The following SYNPR variants were observed in gnomAD, a reference collection of about 807,000 sequenced individuals.
SYNPR encodes synaptoporin.
SYNPR carries 23 observed loss-of-function variants against 32.9 expected under a neutral mutation model. The observed-to-expected ratio is 0.70, with a 90% CI of 0.50 to 0.99. The LOEUF is 0.99. Ranked by LOEUF, SYNPR falls within the 50% of genes least tolerant of loss-of-function variation. The pLI is 0.00. For synonymous variants in SYNPR, 146 were observed against 135.9 expected, an observed-to-expected ratio of 1.07 and a Z score of -0.52; for missense variants, 318 against 349.3, an observed-to-expected ratio of 0.91 and a Z score of 0.71.
chr3:63,411,845 A>G (rs547355837), intron 2 of SYNPR, among the ~76,000 whole-genome samples: 1 of 152,278 alleles, frequency 6.6e-6, no homozygotes, highest in South Asian at 2.1e-4. Flanking sequence ...TTTTCCTAAA[A>G]TCAGTAGGAG....
chr3:63,339,064 T>C (rs2087331251), intron 2 of SYNPR, among the ~76,000 whole-genome samples: 1 of 152,256 alleles, frequency 6.6e-6, no homozygotes, highest in Non-Finnish European at 1.5e-5. Flanking sequence ...GTGAATTTTC[T>C]TAGATTCACC....
intron 2 of SYNPR, among the ~76,000 whole-genome samples, chr3:63,431,244 G>A (rs1190640193): frequency 6.6e-6 from 1 of 152,194 alleles, no homozygotes; most frequent in African/African-American, 2.4e-5. Flanking sequence ...GAAGGACAGA[G>A]AAGAAAACAC....
At chr3:63,431,664 A>G (rs1545458) in intron 2 of SYNPR, among the ~76,000 whole-genome samples, 72,489 of 151,678 alleles carry the variant, frequency 0.48, 18,252 homozygotes, top group African/African-American at 0.65. Flanking sequence ...TTGAAAGCAC[A>G]TGGCTGCAAA....
At chr3:63,449,713 T>C (rs1700344270) in intron 2 of SYNPR, among the ~76,000 whole-genome samples, 1 of 152,206 alleles carries the variant, frequency 6.6e-6, no homozygotes, top group Non-Finnish European at 1.5e-5. Context: ...CCGAATATAC[T>C]AGTGCCATTT....
chr3:63,291,625 C>G (rs188786393), intron 2 of SYNPR, among the ~76,000 whole-genome samples: 1 of 151,816 alleles, frequency 6.6e-6, no homozygotes, highest in Admixed American at 6.6e-5. Context: ...CAGTTGAAAG[C>G]AAAGCATGAT....
intron 2 of SYNPR, among the ~76,000 whole-genome samples, chr3:63,255,251 T>C (rs1322174761): frequency 6.6e-6 from 1 of 152,086 alleles, no homozygotes; most frequent in Non-Finnish European, 1.5e-5. Context: ...TTTAAGTGAG[T>C]TTCTCATTGT....
At chr3:63,601,089 A>G (rs952678598) in intron 4 of SYNPR, among the ~76,000 whole-genome samples, 1 of 152,152 alleles carries the variant, frequency 6.6e-6, no homozygotes, top group African/African-American at 2.4e-5. Flanking sequence ...CCTGACCCAC[A>G]TGGAGAAACC....
intron 4 of SYNPR, among the ~76,000 whole-genome samples, chr3:63,565,740 G>A (rs984811287): frequency 1.3e-5 from 2 of 152,114 alleles, no homozygotes; most frequent in Non-Finnish European, 2.9e-5. Context: ...CATCTTGGAG[G>A]TTACCTGTCC....
intron 2 of SYNPR, among the ~76,000 whole-genome samples, chr3:63,302,992 G>A (rs1211346732): frequency 9.2e-5 from 14 of 151,722 alleles, no homozygotes; most frequent in Admixed American, 7.2e-4. Flanking sequence ...CAAATCATGC[G>A]AATGTATTAA....
At chr3:63,384,464 A>G (rs1435099505) in intron 2 of SYNPR, among the ~76,000 whole-genome samples, 1 of 152,172 alleles carries the variant, frequency 6.6e-6, no homozygotes, top group South Asian at 2.1e-4. Flanking sequence ...TTCTTTGACT[A>G]CAGTGTGTAA....
At chr3:63,588,731 T>G (rs1411185892) in intron 4 of SYNPR, among the ~76,000 whole-genome samples, 1 of 152,152 alleles carries the variant, frequency 6.6e-6, no homozygotes, top group Non-Finnish European at 1.5e-5. Context: ...CAACCCTCGT[T>G]GCTTTCCTAA....
At chr3:63,418,222 A>G (rs1189447393) in intron 2 of SYNPR, among the ~76,000 whole-genome samples, 1 of 152,188 alleles carries the variant, frequency 6.6e-6, no homozygotes, top group Non-Finnish European at 1.5e-5. Context: ...AAATGCCACC[A>G]GTCTCTTTGA....
At chr3:63,388,124 GT>G (rs2088080124) in intron 2 of SYNPR, among the ~76,000 whole-genome samples, 1 of 152,148 alleles carries the variant, frequency 6.6e-6, no homozygotes, top group Non-Finnish European at 1.5e-5. Flanking sequence ...CCCATTATCA[GT>G]TACTGAATGT....
chr3:63,480,457 C>T (rs1701023851), intron 2 of SYNPR, among the ~76,000 whole-genome samples: 1 of 152,084 alleles, frequency 6.6e-6, no homozygotes. Context: ...AAGGATACAC[C>T]CCCACATCTT....
At chr3:63,257,485 G>C (rs2106896317) in intron 2 of SYNPR, among the ~76,000 whole-genome samples, 1 of 152,118 alleles carries the variant, frequency 6.6e-6, no homozygotes, top group East Asian at 1.9e-4. Flanking sequence ...ATAAGTGAAG[G>C]AGAAATAAAA....
chr3:63,412,269 T>C (rs2088476587), intron 2 of SYNPR, among the ~76,000 whole-genome samples: 1 of 152,104 alleles, frequency 6.6e-6, no homozygotes, highest in East Asian at 1.9e-4. Flanking sequence ...GAGAAGACAA[T>C]AAGTAGACAG....
rs570699160 is a variant in SYNPR at position 63,543,039 on chromosome 3, A to T, written c.210-13504A>T. Among the ~76,000 whole-genome samples, 4 of 152,274 alleles carry T rather than the reference A, an allele frequency of 2.6e-5. No homozygotes were observed. In the South Asian group the frequency reaches 8.3e-4, roughly 32 times the overall value. The stretch of plus-strand genomic sequence containing the variant: ...TAGATTATATCCATAGATATTTATC[A>T]TATTAGAAATCATAACTAATAAATT... On this transcript the variant is annotated intron_variant, in intron 3 of 5. Coordinates refer to ENST00000478300, the MANE Select transcript of SYNPR (RefSeq NM_001130003.2).
upstream of SYNPR, among the ~76,000 whole-genome samples, chr3:63,226,315 T>C (rs2086127851): frequency 6.6e-6 from 1 of 152,064 alleles, no homozygotes; most frequent in Admixed American, 6.5e-5. Context: ...AAACTAAAAA[T>C]AGAACTATCA....
intron 2 of SYNPR, among the ~76,000 whole-genome samples, chr3:63,365,021 A>G (rs1385345736): frequency 6.6e-6 from 1 of 152,214 alleles, no homozygotes; most frequent in Non-Finnish European, 1.5e-5. Context: ...TGGAGAGTCT[A>G]AAAACAACCT....
Sources: gnomAD v4.1 joint callset for allele counts (sites outside exome capture counted in the v4.1 genomes callset) on GRCh38, gnomAD v4.1.1 for gene constraint, MANE v1.5 for transcripts, NCBI Gene and HGNC (gene_info 2026-07-23, HGNC 2026-07-21) for gene names.